RNLS: variants seen among roughly 807,000 people sequenced by gnomAD.
RNLS encodes renalase.
RNLS carries 39 observed loss-of-function variants against 39.8 expected under a neutral mutation model. The ratio of observed to expected loss-of-function variants is 0.98; its 90% CI spans 0.76 to 1.28. RNLS has a LOEUF of 1.28. RNLS is among the 50% of genes most tolerant of loss of function. The pLI is 0.00. For missense variants in RNLS, 410 were observed against 413.3 expected (o/e 0.99, Z 0.07); for synonymous variants, 147 against 150.7 (o/e 0.98, Z 0.18).
intron 4 of RNLS, among the ~76,000 whole-genome samples, chr10:88,479,044 G>A (rs1053923673): frequency 2.6e-5 from 4 of 152,030 alleles, no homozygotes; most frequent in African/African-American, 9.7e-5. Flanking sequence ...ACTTCATAGG[G>A]TTGTTGTGAA....
At chr10:88,381,691 A>C (rs2133518641) in intron 4 of RNLS, among the ~76,000 whole-genome samples, 1 of 152,064 alleles carries the variant, frequency 6.6e-6, no homozygotes, top group Non-Finnish European at 1.5e-5. Context: ...GACAGTTTTA[A>C]AGTACAAATT....
At chr10:88,458,985 C>G (rs1159513467) in intron 4 of RNLS, among the ~76,000 whole-genome samples, 5 of 152,102 alleles carry the variant, frequency 3.3e-5, no homozygotes, top group African/African-American at 1.2e-4. Context: ...GGTATAGGCC[C>G]TTATATCTAG....
chr10:88,298,322 AG>A (rs1458893460), intron 6 of RNLS, among the ~76,000 whole-genome samples: 2 of 152,164 alleles, frequency 1.3e-5, no homozygotes, highest in African/African-American at 4.8e-5. Flanking sequence ...GATGAACAAA[AG>A]TATTGAATTT....
the RNLS span, among the ~76,000 whole-genome samples, chr10:88,178,256 T>A: frequency 6.6e-6 from 1 of 152,090 alleles, no homozygotes; most frequent in Non-Finnish European, 1.5e-5. Context: ...GATGTGGAAA[T>A]GTTAATGTTA....
In RNLS at chr10:88,358,259, A is replaced by G. The variant is rs117023040; in HGVS notation, c.700+4293T>C. ...TTCATTTCTAAAAAAAATCTCAAGT[A>G]TTTCCCAATTGATGCCTTCAGGAAC... On this transcript the variant is annotated intron_variant, in intron 5 of 6. Coordinates refer to ENST00000331772, the MANE Select transcript of RNLS (RefSeq NM_001031709.3). 8.0e-3 allele frequency among the ~76,000 whole-genome samples: 1,225 copies of G among 152,274 alleles called. 18 individuals carry two copies. Among genetic ancestry groups the G allele is most frequent in the South Asian group, 0.029 (138 of 4,822 alleles).
the RNLS span, among the ~76,000 whole-genome samples, chr10:88,214,739 T>G: frequency 2.0e-5 from 3 of 152,200 alleles, no homozygotes; most frequent in African/African-American, 7.2e-5. Flanking sequence ...TTTTAAAAAT[T>G]AATATGTCAT....
chr10:88,546,505 G>T (rs2134310307), intron 4 of RNLS, among the ~76,000 whole-genome samples: 1 of 152,160 alleles, frequency 6.6e-6, no homozygotes, highest in East Asian at 1.9e-4. Context: ...TTAAGTCAGA[G>T]AATTAAGTTT....
At chr10:88,534,501 G>C (rs1176661404) in intron 4 of RNLS, among the ~76,000 whole-genome samples, 1 of 152,026 alleles carries the variant, frequency 6.6e-6, no homozygotes, top group Non-Finnish European at 1.5e-5. Context: ...AAAAGCATTG[G>C]CTTGAGAGTC....
At chr10:88,234,807 G>A in the RNLS span, among the ~76,000 whole-genome samples, 1 of 152,188 alleles carries the variant, frequency 6.6e-6, no homozygotes, top group African/African-American at 2.4e-5. Flanking sequence ...AGATGCTCAA[G>A]ACAGCAAGAA....
chr10:88,362,861 T>G (rs999432339), intron 4 of RNLS, 136 bp from the exon 5 acceptor site: 1 of 698,046 alleles, frequency 1.4e-6, no homozygotes, highest in East Asian at 2.8e-5. Flanking sequence ...TTTTGAAAGG[T>G]AATGTAAAAT....
chr10:88,555,533 C>G (rs112892392), intron 4 of RNLS, among the ~76,000 whole-genome samples: 1 of 152,060 alleles, frequency 6.6e-6, no homozygotes, highest in African/African-American at 2.4e-5. Flanking sequence ...TCCCCCTTCA[C>G]GCTTCACCAT....
chr10:88,355,165 T>C (rs1849053954), intron 5 of RNLS, among the ~76,000 whole-genome samples: 1 of 152,216 alleles, frequency 6.6e-6, no homozygotes, highest in Admixed American at 6.5e-5. Context: ...TAGAACTTCC[T>C]CCTTTAGCTT....
intron 4 of RNLS, among the ~76,000 whole-genome samples, chr10:88,383,918 C>G (rs2133536887): frequency 6.6e-6 from 1 of 152,218 alleles, no homozygotes; most frequent in African/African-American, 2.4e-5. Flanking sequence ...ATAGGAAGCA[C>G]TAACTTTGAA....
At chr10:88,282,559 A>G (rs563327846), downstream of RNLS, among the ~76,000 whole-genome samples, 2 of 151,706 alleles carry the variant, frequency 1.3e-5, no homozygotes, top group South Asian at 4.2e-4. Context: ...AGAAAAATGT[A>G]AAATTGACCC....
At chr10:88,438,122 T>TG (rs1316182606) in intron 4 of RNLS, among the ~76,000 whole-genome samples, 1 of 116,778 alleles carries the variant, frequency 8.6e-6, no homozygotes, top group African/African-American at 3.0e-5. Flanking sequence ...GTGAAACTCC[T>TG]AAAAAAAAAA....
chr10:88,420,158 G>C (rs1015702278), intron 4 of RNLS, among the ~76,000 whole-genome samples: 1 of 151,918 alleles, frequency 6.6e-6, no homozygotes, highest in African/African-American at 2.4e-5. Context: ...TGTCTATTAA[G>C]ATCCTGGAGG....
At chr10:88,293,294 A>C (rs1421646362) in intron 6 of RNLS, among the ~76,000 whole-genome samples, 1 of 152,184 alleles carries the variant, frequency 6.6e-6, no homozygotes, top group African/African-American at 2.4e-5. Flanking sequence ...TATGGAGCTG[A>C]TTCATACATT....
intron 4 of RNLS, among the ~76,000 whole-genome samples, chr10:88,547,061 A>T (rs1379888865): frequency 1.3e-5 from 2 of 152,228 alleles, no homozygotes; most frequent in African/African-American, 4.8e-5. Flanking sequence ...TTGGGAATGA[A>T]AGGTTGAACA....
chr10:88,464,880 AC>A (rs1429120651), intron 4 of RNLS, among the ~76,000 whole-genome samples: 29 of 152,208 alleles, frequency 1.9e-4, no homozygotes, highest in African/African-American at 6.3e-4. Flanking sequence ...ATCAGAGTCA[AC>A]CATGACATGC....
Sources: allele counts gnomAD v4.1 joint callset (sites outside exome capture counted in the v4.1 genomes callset), GRCh38; gene constraint gnomAD v4.1.1; transcripts MANE v1.5; gene names NCBI Gene and HGNC (gene_info 2026-07-23, HGNC 2026-07-21).